COL14A1: variants seen among roughly 807,000 people sequenced by gnomAD.
The protein encoded by COL14A1 is collagen alpha-1(XIV) chain.
In COL14A1, 136 loss-of-function variants were observed where a neutral mutation model predicts 230.3. The observed-to-expected ratio is 0.59, with a 90% CI of 0.51 to 0.68. The LOEUF (loss-of-function observed/expected upper bound fraction) is 0.68, where lower values mean the gene tolerates loss of function less well. Among genes scored for constraint, COL14A1 ranks in the 30% least tolerant of loss-of-function variants. COL14A1 has a pLI of 0.00. For synonymous variants in COL14A1, 792 were observed against 784.1 expected (o/e 1.01, Z -0.17); for missense variants, 1,976 against 2,215.8 (o/e 0.89, Z 2.17).
intron 5 of COL14A1, among the ~76,000 whole-genome samples, chr8:120,177,632 G>A (rs1451467086): frequency 7.9e-6 from 1 of 126,894 alleles, no homozygotes; most frequent in African/African-American, 3.0e-5. Context: ...CTGGGTGACA[G>A]AGCGAGACTT....
chr8:120,369,133 C>T (rs1268373148), intron 46 of COL14A1, among the ~76,000 whole-genome samples, 197 bp from the exon 47 acceptor site: 1 of 152,182 alleles, frequency 6.6e-6, no homozygotes, highest in Admixed American at 6.5e-5. Context: ...CATTGACCTC[C>T]AGGAGGATAA....
At chr8:120,244,957 G>A (rs1023052972) in intron 20 of COL14A1, among the ~76,000 whole-genome samples, 12 of 152,036 alleles carry the variant, frequency 7.9e-5, no homozygotes, top group African/African-American at 1.7e-4. Flanking sequence ...GGATCCTGCC[G>A]ATCTCTTTGA....
intron 5 of COL14A1, among the ~76,000 whole-genome samples, chr8:120,182,674 C>T (rs1296914736): frequency 1.3e-5 from 2 of 151,000 alleles, no homozygotes; most frequent in Non-Finnish European, 2.9e-5. Context: ...AATAACTAGG[C>T]AACTCTACCA....
Position 120,168,210 on chromosome 8 carries a change from G to A in COL14A1, c.399G>A (p.Val133=), listed in dbSNP as rs1364644430. ...ATCCAAAGCCCAGAGTCAAAGTTGT[G>A]GACAGAGGAAATGGGAGTAGACCAT... is the stretch of plus-strand genomic sequence containing the variant. ...RKDPKPRVKV[V]DRGNGSRPSS... The change falls in exon 5 of 48, where the codon GTG becomes GTA. Residue 133 remains valine (V), a synonymous_variant. Coordinates refer to ENST00000297848, the MANE Select transcript of COL14A1 (RefSeq NM_021110.4). The A allele has an allele frequency of 3.1e-6, 5 of 1,612,590 alleles. No homozygotes were observed. Among genetic ancestry groups the A allele is most frequent in the Non-Finnish European group, 4.2e-6 (5 of 1,179,212 alleles).
At chr8:120,217,539 C>T (rs1339105511) in intron 14 of COL14A1, among the ~76,000 whole-genome samples, 7 of 152,054 alleles carry the variant, frequency 4.6e-5, no homozygotes, top group African/African-American at 1.4e-4. Context: ...AAAATTAAAT[C>T]CAAGCAATAT....
intron 45 of COL14A1, among the ~76,000 whole-genome samples, chr8:120,365,795 T>A (rs1823389835): frequency 6.6e-6 from 1 of 152,206 alleles, no homozygotes; most frequent in African/African-American, 2.4e-5. Flanking sequence ...GATACTGGTC[T>A]TTTGTAAGCT....
chr8:120,347,526 G>T (rs1563398), intron 45 of COL14A1, among the ~76,000 whole-genome samples: 1 of 151,870 alleles, frequency 6.6e-6, no homozygotes, highest in African/African-American at 2.4e-5. Flanking sequence ...AGTTATTTCA[G>T]CTGCAGCTTG....
intron 41 of COL14A1, 64 bp downstream of exon 41, chr8:120,332,258 G>T: frequency 6.8e-7 from 1 of 1,477,596 alleles, no homozygotes; most frequent in Non-Finnish European, 9.4e-7. Context: ...CTTTTGAGAG[G>T]TTTTCTTTTG....
At chr8:120,333,065 G>A (rs1821925486) in intron 42 of COL14A1, among the ~76,000 whole-genome samples, 1 of 152,208 alleles carries the variant, frequency 6.6e-6, no homozygotes, top group African/African-American at 2.4e-5. Context: ...TAATCAAGCT[G>A]GGTTCCCAAA....
chr8:120,193,401 C>G (rs1563662959), intron 5 of COL14A1, among the ~76,000 whole-genome samples: 1 of 152,186 alleles, frequency 6.6e-6, no homozygotes, highest in East Asian at 1.9e-4. Flanking sequence ...GATCGTTCCT[C>G]TGGAAGTTTT....
intron 5 of COL14A1, among the ~76,000 whole-genome samples, chr8:120,193,389 C>G (rs1425851022): frequency 6.6e-6 from 1 of 152,190 alleles, no homozygotes; most frequent in Non-Finnish European, 1.5e-5. Context: ...ATGCTGCTGT[C>G]TGATCGTTCC....
intron 4 of COL14A1, among the ~76,000 whole-genome samples, chr8:120,163,839 A>T (rs557512038): frequency 6.6e-6 from 1 of 152,136 alleles, no homozygotes; most frequent in Admixed American, 6.5e-5. Context: ...ACATTCATTC[A>T]TTCTTTTTTT....
chr8:120,291,788 C>T lies in COL14A1; in HGVS notation c.4236+2022C>T, dbSNP rs1820384796. Among the ~76,000 whole-genome samples, 3 of 152,200 alleles carry T rather than the reference C, an allele frequency of 2.0e-5. No individual in the cohort carries two copies. The South Asian group carries it at 6.2e-4, about 32-fold the overall frequency. On this transcript the variant is annotated intron_variant, in intron 34 of 47. Coordinates refer to ENST00000297848, the MANE Select transcript of COL14A1 (RefSeq NM_021110.4). Reference sequence around the variant, plus strand: ...CATCCTCCATCCCACCTTTTCTAGACTTCTAGCACTTGATTATTGATAGTC... The same window carrying T: ...CATCCTCCATCCCACCTTTTCTAGATTTCTAGCACTTGATTATTGATAGTC...
In COL14A1 at chr8:120,212,531, G is replaced by A. The variant is rs928154178; in HGVS notation, c.1551G>A (p.Met517Ile). ...NTEYTVTVYA[M>I]FGEEASDPVT... is the part of the protein sequence containing the mutation. ...AATACACAGTCACAGTTTATGCCAT[G>A]TTTGGAGAAGAGGCCAGTGATCCTG... Residue 517 changes from methionine (M) to isoleucine (I), a missense_variant, in exon 13 of 48, where the codon ATG (methionine) becomes ATA (isoleucine). Met to Ile is a conservative substitution (Grantham distance 10, BLOSUM62 1). Transcript: ENST00000297848. 2.1e-5 allele frequency: 34 copies of A among 1,613,586 alleles called. No individual in the cohort carries two copies. Among genetic ancestry groups the A allele is most frequent in the Non-Finnish European group, 2.8e-5 (33 of 1,179,718 alleles).
intron 13 of COL14A1, among the ~76,000 whole-genome samples, chr8:120,214,262 G>A (rs185658252): frequency 4.0e-4 from 61 of 152,282 alleles, no homozygotes; most frequent in Middle Eastern, 6.8e-3. Context: ...TAGTAACTGG[G>A]ACGTTGGCCA....
intron 1 of COL14A1, among the ~76,000 whole-genome samples, chr8:120,134,147 A>C (rs1037440815): frequency 6.6e-5 from 10 of 152,164 alleles, no homozygotes; most frequent in African/African-American, 1.9e-4. Flanking sequence ...GTAAAGATGG[A>C]CTATTGTATA....
At chr8:120,279,256 G>T (rs1010914103) in intron 28 of COL14A1, among the ~76,000 whole-genome samples, 2 of 151,794 alleles carry the variant, frequency 1.3e-5, no homozygotes, top group Non-Finnish European at 2.9e-5. Context: ...CATGGCACAC[G>T]TATACCTATG....
intron 1 of COL14A1, among the ~76,000 whole-genome samples, chr8:120,128,228 C>CGTGTGTGTGT (rs33988612): frequency 1.3e-4 from 19 of 146,684 alleles, no homozygotes; most frequent in African/African-American, 7.5e-5. Flanking sequence ...TGTGCGCGCG[C>CGTGTGTGTGT]GTGTGTGTGT....
chr8:120,134,370 A>T (rs1171362735), intron 1 of COL14A1, among the ~76,000 whole-genome samples: 2 of 152,144 alleles, frequency 1.3e-5, no homozygotes, highest in East Asian at 3.8e-4. Flanking sequence ...TTAACCTGTG[A>T]TCAAAAGGTA....
Sources: gnomAD v4.1 joint callset for allele counts (sites outside exome capture counted in the v4.1 genomes callset) on GRCh38, gnomAD v4.1.1 for gene constraint, MANE v1.5 for transcripts, NCBI Gene and HGNC (gene_info 2026-07-23, HGNC 2026-07-21) for gene names.